Variants in DYNLRB1 observed in about 807,000 individuals in gnomAD.
DYNLRB1 encodes dynein light chain roadblock-type 1, also known as ROBL/LC7-like 1.
A neutral mutation model predicts 13.5 loss-of-function variants in DYNLRB1; 6 were observed. The ratio of observed to expected loss-of-function variants is 0.44; its 90% CI spans 0.24 to 0.88. The LOEUF is 0.88. Among genes scored for constraint, DYNLRB1 ranks in the 40% least tolerant of loss-of-function variants. The pLI, the probability that DYNLRB1 is intolerant of heterozygous loss-of-function variation, is 0.21. For missense variants in DYNLRB1, 93 were observed against 127.2 expected (o/e 0.73, Z 1.29); for synonymous variants, 43 against 45.0 (o/e 0.96, Z 0.18).
At chr20:34,516,821 T>C (rs1239835888) in intron 1 of DYNLRB1, 2 of 1,549,748 alleles carry the variant, frequency 1.3e-6, no homozygotes, top group Non-Finnish European at 1.7e-6. Context: ...TGTGGCAGGC[T>C]CTGCCAAGCA....
chr20:34,528,729 G>T (rs1980457660), intron 2 of DYNLRB1, among the ~76,000 whole-genome samples: 1 of 152,142 alleles, frequency 6.6e-6, no homozygotes, highest in South Asian at 2.1e-4. Flanking sequence ...TCAGCACTTT[G>T]GGAGGCCATG....
intron 2 of DYNLRB1, 136 bp downstream of exon 2, chr20:34,526,479 AGTG>A: frequency 2.4e-6 from 1 of 411,762 alleles, no homozygotes; most frequent in Non-Finnish European, 4.1e-6. Flanking sequence ...TAACACCTCC[AGTG>A]TTCTTTTTTT....
chr20:34,522,469 C>CTTTTTTTTTTTTTTTTTTTTTTTTTGT (rs771811577), intron 1 of DYNLRB1, among the ~76,000 whole-genome samples: 1 of 77,212 alleles, frequency 1.3e-5, no homozygotes, highest in African/African-American at 5.4e-5. Flanking sequence ...TTTTCTTTTT[C>CTTTTTTTTTTTTTTTTTTTTTTTTTGT]TTTTTTTTTT....
chr20:34,535,058 G>A, intron 3 of DYNLRB1: 1 of 1,308,300 alleles, frequency 7.6e-7, no homozygotes, highest in East Asian at 3.5e-5. Flanking sequence ...CCCCTTCCTT[G>A]ATAGGAGAAA....
intron 1 of DYNLRB1, among the ~76,000 whole-genome samples, chr20:34,520,215 A>G (rs1979601370): frequency 6.6e-6 from 1 of 152,142 alleles, no homozygotes; most frequent in Non-Finnish European, 1.5e-5. Context: ...TCATCTTTGT[A>G]TGTTCTCCTT....
At chr20:34,523,069 T>C (rs1358259867) in intron 1 of DYNLRB1, among the ~76,000 whole-genome samples, 2 of 152,104 alleles carry the variant, frequency 1.3e-5, no homozygotes, top group Non-Finnish European at 2.9e-5. Flanking sequence ...TTGCACTGCA[T>C]TGTGGTCAGT....
chr20:34,534,099 C>T (rs1188358097), intron 2 of DYNLRB1, among the ~76,000 whole-genome samples: 1 of 152,174 alleles, frequency 6.6e-6, no homozygotes, highest in Non-Finnish European at 1.5e-5. Context: ...CACTGCACTC[C>T]AGCCTGGGCA....
chr20:34,534,842 AT>A (rs1489259224), intron 3 of DYNLRB1, 47 bp downstream of exon 3: 1 of 1,613,004 alleles, frequency 6.2e-7, no homozygotes, highest in East Asian at 2.2e-5. Context: ...CTCATGGCAC[AT>A]TCTCTGTGGC....
intron 2 of DYNLRB1, chr20:34,529,791 C>G: frequency 7.5e-7 from 1 of 1,330,266 alleles, no homozygotes. Context: ...CAGAGCTAGA[C>G]AGAACGTGCT....
chr20:34,534,897 C>T, intron 3 of DYNLRB1, 102 bp downstream of exon 3: 7 of 1,582,634 alleles, frequency 4.4e-6, no homozygotes, highest in Non-Finnish European at 4.3e-6. Context: ...AGGATCCAAG[C>T]AGGGCCCGAG....
intron 3 of DYNLRB1, among the ~76,000 whole-genome samples, chr20:34,538,412 G>C (rs1399629250): frequency 6.6e-6 from 1 of 151,936 alleles, no homozygotes; most frequent in Non-Finnish European, 1.5e-5. Context: ...ACTCCAGCCT[G>C]GGCAACAGCG....
chr20:34,522,799 C>T (rs934245840), intron 1 of DYNLRB1, among the ~76,000 whole-genome samples: 22 of 152,292 alleles, frequency 1.4e-4, no homozygotes, highest in Non-Finnish European at 2.9e-5. Context: ...ACAGCCAGAT[C>T]TTAGTATCTG....
chr20:34,535,575 G>A (rs907211420), intron 3 of DYNLRB1: 1 of 932,772 alleles, frequency 1.1e-6, no homozygotes, highest in Admixed American at 6.2e-5. Flanking sequence ...TGGGGTGGCA[G>A]GCAGAGCCTC....
chr20:34,530,107 G>A, intron 2 of DYNLRB1: 1 of 1,233,040 alleles, frequency 8.1e-7, no homozygotes, highest in Non-Finnish European at 1.0e-6. Flanking sequence ...GGGGCCAACA[G>A]CCCCAGCTGT....
At chr20:34,540,379 C>G (rs1233859585) in intron 3 of DYNLRB1, among the ~76,000 whole-genome samples, 2 of 152,142 alleles carry the variant, frequency 1.3e-5, no homozygotes, top group Admixed American at 6.5e-5. Context: ...ATGGGGAGGC[C>G]CCTCTTGCAG....
rs556957403 is a variant in DYNLRB1, at chr20:34,527,586, C to T, written c.79+1243C>T. ...CACGTATTCATTCTTTGAAATCACC[C>T]GGGGGTCCTGTTAAACATAGCTTTC... On this transcript the variant is annotated intron_variant, in intron 2 of 3. Transcript: ENST00000357156. Among the ~76,000 whole-genome samples, 35 of 152,302 alleles carry T rather than the reference C, an allele frequency of 2.3e-4. No homozygotes were observed. The East Asian group carries it at 3.9e-3, about 17-fold the overall frequency.
At chr20:34,528,831 AGGTGT>A (rs1174747193) in intron 2 of DYNLRB1, among the ~76,000 whole-genome samples, 2 of 152,078 alleles carry the variant, frequency 1.3e-5, no homozygotes. Flanking sequence ...AAAATTAGGC[AGGTGT>A]GGTGGCACAC....
intron 2 of DYNLRB1, chr20:34,529,982 T>C (rs1425177414): frequency 7.5e-7 from 1 of 1,326,828 alleles, no homozygotes; most frequent in East Asian, 3.0e-5. Context: ...AGTCCTGTGA[T>C]GGTCCAGGGA....
At chr20:34,524,025 C>G (rs182212923) in intron 1 of DYNLRB1, among the ~76,000 whole-genome samples, 141 of 152,224 alleles carry the variant, frequency 9.3e-4, no homozygotes, top group African/African-American at 3.0e-3. Flanking sequence ...CCAAGTTATT[C>G]TTACATCTTA....
Sources: allele counts gnomAD v4.1 joint callset (sites outside exome capture counted in the v4.1 genomes callset), GRCh38; gene constraint gnomAD v4.1.1; transcripts MANE v1.5; gene names NCBI Gene and HGNC (gene_info 2026-07-23, HGNC 2026-07-21).